The following IL31RA variants were observed in gnomAD, a reference collection of about 807,000 sequenced individuals.
The protein encoded by IL31RA is interleukin 31 receptor A.
A neutral mutation model predicts 83.7 loss-of-function variants in IL31RA; 66 were observed. The ratio of observed to expected loss-of-function variants is 0.79; its 90% CI spans 0.65 to 0.97. The LOEUF (loss-of-function observed/expected upper bound fraction) is 0.97, where lower values mean the gene tolerates loss of function less well. Ranked by LOEUF, IL31RA falls within the 50% of genes least tolerant of loss-of-function variation. IL31RA has a pLI of 0.00. For missense variants in IL31RA, 798 were observed against 919.4 expected (o/e 0.87, Z 1.71); for synonymous variants, 325 against 329.0 (o/e 0.99, Z 0.13).
chr5:55,896,998 A>ATATATATATATATAT (rs1197402352), intron 7 of IL31RA, among the ~76,000 whole-genome samples: 1 of 228 alleles, frequency 4.4e-3, no homozygotes, highest in Non-Finnish European at 0.018. Flanking sequence ...AAAAAAAAAA[A>ATATATATATATATAT]AAATATATAT....
At position 55,867,157 on chromosome 5, in the gene IL31RA, TTGTGTGTGTGCATG is replaced by T. The variant is rs1428104999; in HGVS notation, c.155-1625_155-1612del. Among the ~76,000 whole-genome samples, 226 of 54,904 alleles carry T rather than the reference TTGTGTGTGTGCATG, an allele frequency of 4.1e-3. 2 individuals carry two copies. Among genetic ancestry groups the T allele is most frequent in the African/African-American group, 0.012 (201 of 16,502 alleles). 36.0% of individuals were successfully genotyped at this position (54,904 alleles called of 152,430 possible). ...TGTGCATGTGTGTGTGCATGTGTGT[TTGTGTGTGTGCATG>T]TGTGTGTGCATGTGTGTTTGTGTGT... On this transcript the variant is annotated intron_variant, in intron 2 of 14. Coordinates refer to ENST00000652347, the MANE Select transcript of IL31RA (RefSeq NM_139017.7).
intron 14 of IL31RA, 115 bp downstream of exon 14, chr5:55,915,043 T>C: frequency 4.9e-6 from 4 of 817,962 alleles, no homozygotes; most frequent in Non-Finnish European, 2.1e-6. Context: ...TCAAGAGAAC[T>C]GGAGTTGAAA....
chr5:55,901,586 C>CATT (rs58572654), intron 8 of IL31RA, among the ~76,000 whole-genome samples: 6,939 of 144,820 alleles, frequency 0.048, 180 homozygotes, highest in African/African-American at 0.078. Context: ...TTACTATTGT[C>CATT]ATTATTATTA....
intron 4 of IL31RA, among the ~76,000 whole-genome samples, chr5:55,876,296 C>T (rs1347533491): frequency 6.6e-6 from 1 of 152,008 alleles, no homozygotes; most frequent in Non-Finnish European, 1.5e-5. Flanking sequence ...GTCCCAGCTA[C>T]TCGGGAGGCT....
intron 14 of IL31RA, 108 bp from the exon 15 acceptor site, chr5:55,916,536 G>A (rs1344790497): frequency 2.2e-6 from 2 of 905,834 alleles, no homozygotes; most frequent in South Asian, 1.3e-5. Context: ...GAGGAAGGTG[G>A]GGGCTGTTCC....
At chr5:55,863,590 G>A (rs1745818551) in intron 2 of IL31RA, among the ~76,000 whole-genome samples, 1 of 152,234 alleles carries the variant, frequency 6.6e-6, no homozygotes, top group African/African-American at 2.4e-5. Flanking sequence ...ATGAGCACTG[G>A]AAATATTGGT....
At chr5:55,881,716 ATTTTTTTTTTTTT>A (rs34217814) in intron 4 of IL31RA, among the ~76,000 whole-genome samples, 9 of 59,652 alleles carry the variant, frequency 1.5e-4, no homozygotes, top group Admixed American at 5.9e-4. Context: ...AGTTCCTGAG[ATTTTTTTTTTTTT>A]TTTTTTTTTT....
At position 55,868,015 on chromosome 5, in the gene IL31RA, G is replaced by A. The variant is rs1053480337; in HGVS notation, c.155-776G>A. ...AATATTTTAAGGTACCTGCAGCAAC[G>A]AAAATATAATATGAAAATATTTGTG... On this transcript the variant is annotated intron_variant, in intron 2 of 14. Transcript: ENST00000652347. Among the ~76,000 whole-genome samples the A allele has an allele frequency of 4.6e-5, 7 of 152,060 alleles. No homozygotes were observed. The South Asian group carries it at 8.3e-4, about 18-fold the overall frequency.
At chr5:55,840,094 C>T in the IL31RA span, 11 of 334,152 alleles carry the variant, frequency 3.3e-5, no homozygotes, top group South Asian at 3.0e-4. Context: ...AAAGAAATGG[C>T]CCACTTCTTA....
At chr5:55,839,947 C>T in the IL31RA span, 1 of 655,472 alleles carries the variant, frequency 1.5e-6, no homozygotes, top group African/African-American at 1.8e-5. Context: ...AAACGCTGCA[C>T]TTCATCGGCC....
At chr5:55,873,694 A>G (rs936165584) in intron 4 of IL31RA, among the ~76,000 whole-genome samples, 1 of 152,044 alleles carries the variant, frequency 6.6e-6, no homozygotes, top group African/African-American at 2.4e-5. Context: ...GGCCATTTGT[A>G]TATCTTCTCT....
chr5:55,907,524 G>T (rs1052336685), intron 10 of IL31RA, 64 bp downstream of exon 10: 3 of 1,059,478 alleles, frequency 2.8e-6, no homozygotes, highest in Non-Finnish European at 4.4e-6. Flanking sequence ...ATGCCGATAA[G>T]GCTGCAAGTG....
At chr5:55,882,989 T>G in intron 4 of IL31RA, 55 bp from the exon 5 acceptor site, 1 of 1,565,156 alleles carries the variant, frequency 6.4e-7, no homozygotes, top group Admixed American at 1.7e-5. Flanking sequence ...GTGGATGCTA[T>G]TAGCAAATTC....
At chr5:55,908,707 A>T in intron 11 of IL31RA, 1 of 1,459,972 alleles carries the variant, frequency 6.8e-7, no homozygotes, top group Non-Finnish European at 9.0e-7. Flanking sequence ...CTCCCCGACC[A>T]TCATTCCCAG....
intron 5 of IL31RA, among the ~76,000 whole-genome samples, chr5:55,885,307 T>G (rs1390340216): frequency 1.3e-5 from 2 of 152,180 alleles, no homozygotes; most frequent in African/African-American, 4.8e-5. Flanking sequence ...TTAGTTCAGC[T>G]AAATCCGGGT....
At chr5:55,874,889 A>G (rs1480695506) in intron 4 of IL31RA, among the ~76,000 whole-genome samples, 1 of 152,078 alleles carries the variant, frequency 6.6e-6, no homozygotes, top group Non-Finnish European at 1.5e-5. Flanking sequence ...CTTGTCTAGA[A>G]CTTTTAGTAT....
intron 12 of IL31RA, among the ~76,000 whole-genome samples, chr5:55,911,091 G>A (rs1213605666): frequency 6.6e-6 from 1 of 152,130 alleles, no homozygotes; most frequent in African/African-American, 2.4e-5. Context: ...CCCGGGACTG[G>A]GTAATTTATA....
At chr5:55,873,923 G>A (rs1425684828) in intron 4 of IL31RA, among the ~76,000 whole-genome samples, 1 of 151,968 alleles carries the variant, frequency 6.6e-6, no homozygotes, top group Non-Finnish European at 1.5e-5. Flanking sequence ...TTATTTGATT[G>A]TTTGTACTTT....
In IL31RA at chr5:55,916,720, G is replaced by GTGACAAGTTGGTGAT; in HGVS notation, c.1909_1923dup (p.Ile637_Val641dup). 11 of 1,614,182 alleles carry GTGACAAGTTGGTGAT rather than the reference G, an allele frequency of 6.8e-6. No homozygotes were observed. The highest frequency in any genetic ancestry group is 8.5e-6 in the Non-Finnish European group (10 of 1,180,026). On this transcript the variant is annotated inframe_insertion, in exon 15 of 15. Transcript: ENST00000652347. Reference sequence around the variant, plus strand: ...ATCTTAAAACCATGTTCCACCCCCAGTGACAAGTTGGTGATTGACAAGTTG... The same window carrying GTGACAAGTTGGTGAT: ...ATCTTAAAACCATGTTCCACCCCCAGTGACAAGTTGGTGATTGACAAGTTGGTGATTGACAAGTTG...
Sources: allele counts gnomAD v4.1 joint callset (sites outside exome capture counted in the v4.1 genomes callset), GRCh38; gene constraint gnomAD v4.1.1; transcripts MANE v1.5; gene names NCBI Gene and HGNC (gene_info 2026-07-23, HGNC 2026-07-21).